The following RBBP8 variants were observed in gnomAD, a reference collection of about 807,000 sequenced individuals.
RBBP8 encodes DNA endonuclease RBBP8.
Under a neutral mutation model 108.3 loss-of-function variants are expected in RBBP8, and 88 were observed. The ratio of observed to expected loss-of-function variants is 0.81; its 90% CI spans 0.68 to 0.97. The LOEUF (loss-of-function observed/expected upper bound fraction) is 0.97. RBBP8 is among the 50% of genes least tolerant of loss of function. RBBP8 has a pLI of 0.00. For synonymous variants in RBBP8, 332 were observed against 348.2 expected, an observed-to-expected ratio of 0.95 and a Z score of 0.52; for missense variants, 1,023 against 1,049.0, an observed-to-expected ratio of 0.98 and a Z score of 0.34.
chr18:22,950,658 C>T (rs1356755300), intron 4 of RBBP8, among the ~76,000 whole-genome samples: 2 of 151,860 alleles, frequency 1.3e-5, no homozygotes, highest in Non-Finnish European at 2.9e-5. Context: ...TGGCTCATGC[C>T]TGTAACCTCA....
At chr18:22,994,130 C>G (rs998643213) in intron 12 of RBBP8, among the ~76,000 whole-genome samples, 2 of 144,832 alleles carry the variant, frequency 1.4e-5, no homozygotes, top group Admixed American at 1.4e-4. Flanking sequence ...ACACCATTCT[C>G]CTGCCTCAGC....
intron 2 of RBBP8, chr18:22,915,622 T>C (rs1291315478): frequency 3.8e-4 from 58 of 152,164 alleles, no homozygotes; most frequent in Admixed American, 3.6e-3. Context: ...TTTAATTGGC[T>C]GAATTTTTCT....
chr18:22,949,136 A>G (rs975885238), intron 3 of RBBP8, among the ~76,000 whole-genome samples: 4 of 152,162 alleles, frequency 2.6e-5, no homozygotes, highest in African/African-American at 4.8e-5. Flanking sequence ...TAATTGTATC[A>G]GGTCACACAG....
chr18:22,937,193 C>G, intron 2 of RBBP8: 1 of 679,758 alleles, frequency 1.5e-6, no homozygotes, highest in African/African-American at 1.8e-5. Context: ...CAATCCCCAC[C>G]CTCTTCCCAC....
intron 4 of RBBP8, among the ~76,000 whole-genome samples, chr18:22,965,059 A>C (rs1020645689): frequency 1.3e-5 from 2 of 152,114 alleles, no homozygotes; most frequent in African/African-American, 4.8e-5. Context: ...ATTTGACTTA[A>C]AGTCACAGTT....
intron 2 of RBBP8, among the ~76,000 whole-genome samples, chr18:22,939,819 A>C (rs1243689248): frequency 6.6e-6 from 1 of 152,152 alleles, no homozygotes; most frequent in Non-Finnish European, 1.5e-5. Flanking sequence ...GGAAGAACTG[A>C]GGGTGTGTGT....
In RBBP8 at chr18:22,989,202, G is replaced by A; in HGVS notation, c.710-19G>A. 1 of 1,538,722 alleles carries A rather than the reference G, an allele frequency of 6.5e-7. No individual in the cohort carries two copies. The highest frequency in any genetic ancestry group is 1.7e-5 in the Admixed American group (1 of 59,674). ...ATTGGTTTTATTATTTATTAAAATG[G>A]TTTATTATTTATTCTTAGAAGCACA... On this transcript the variant is annotated intron_variant, in intron 8 of 18. Coordinates refer to ENST00000327155, the MANE Select transcript of RBBP8 (RefSeq NM_002894.3).
At chr18:22,917,087 A>G (rs1476452431) in intron 3 of RBBP8, 1 of 152,190 alleles carries the variant, frequency 6.6e-6, no homozygotes, top group Non-Finnish European at 1.5e-5. Flanking sequence ...AGGAATTCCT[A>G]GGAAATGTGA....
At chr18:23,024,375 C>G (rs1042273993) in intron 18 of RBBP8, among the ~76,000 whole-genome samples, 1 of 152,016 alleles carries the variant, frequency 6.6e-6, no homozygotes, top group East Asian at 1.9e-4. Context: ...CAAAATCATC[C>G]TAAAACATGA....
chr18:22,946,409 T>C (rs769521730), intron 2 of RBBP8, 35 bp from the exon 3 acceptor site: 7 of 1,609,026 alleles, frequency 4.4e-6, no homozygotes, highest in Non-Finnish European at 4.2e-6. Context: ...AAAGGAACTG[T>C]TGTAGAAGTA....
At chr18:22,943,953 T>A (rs1269223730) in intron 2 of RBBP8, among the ~76,000 whole-genome samples, 1 of 152,144 alleles carries the variant, frequency 6.6e-6, no homozygotes, top group Non-Finnish European at 1.5e-5. Flanking sequence ...GTGTGTAAGG[T>A]TAATTGTAGC....
chr18:23,003,731 G>A (rs1174937843), intron 15 of RBBP8, among the ~76,000 whole-genome samples: 2 of 152,154 alleles, frequency 1.3e-5, no homozygotes, highest in Non-Finnish European at 2.9e-5. Flanking sequence ...CCTTAAAGAT[G>A]CATTGTAAAA....
intron 16 of RBBP8, among the ~76,000 whole-genome samples, chr18:23,016,132 A>G (rs1277554595): frequency 1.3e-5 from 2 of 151,440 alleles, no homozygotes; most frequent in African/African-American, 4.9e-5. Flanking sequence ...CTGGTCTCGA[A>G]CTCCTGACCT....
Position 22,946,495 on chromosome 18 carries a change from C to T in RBBP8, c.152+9C>T. 1 of 1,612,220 alleles carries T rather than the reference C, an allele frequency of 6.2e-7. No homozygotes were observed. Among genetic ancestry groups the T allele is most frequent in the Admixed American group, 1.7e-5 (1 of 59,972 alleles). ...AAACAGGAACGAATCTTGTAAGTAT[C>T]AGTATGTAATACTCATGTGTTATTT... is the stretch of plus-strand genomic sequence containing the variant. On this transcript the variant is annotated intron_variant, in intron 3 of 18. Coordinates refer to ENST00000327155, the MANE Select transcript of RBBP8 (RefSeq NM_002894.3).
chr18:22,922,514 G>C (rs768171932), intron 3 of RBBP8, among the ~76,000 whole-genome samples: 5 of 152,070 alleles, frequency 3.3e-5, no homozygotes, highest in Non-Finnish European at 7.4e-5. Context: ...CCAGGCTGGA[G>C]TGAGGTGGCA....
At position 22,982,314 on chromosome 18, in the gene RBBP8, G is replaced by A. The variant is rs1914987122; in HGVS notation, c.525G>A (p.Arg175=). ...ITAFSFSGVN[R]LRRKENPHVR... is the part of the protein sequence containing the mutation. ...CCTTCTCATTTTCTGGCGTTAACCG[G>A]CTACGAAGAAAGGAGAACCCCCATG... Residue 175 remains arginine (R), a synonymous_variant, in exon 7 of 19, where the codon CGG becomes CGA. Transcript: ENST00000327155. 6.2e-7 allele frequency: 1 copy of A among 1,614,130 alleles called. No homozygotes were observed. The highest frequency in any genetic ancestry group is 8.5e-7 in the Non-Finnish European group (1 of 1,180,014).
chr18:22,919,402 C>A (rs1311185825), intron 3 of RBBP8, among the ~76,000 whole-genome samples: 1 of 152,154 alleles, frequency 6.6e-6, no homozygotes, highest in African/African-American at 2.4e-5. Flanking sequence ...GATGTTTAAT[C>A]GCTTTACAAA....
intron 5 of RBBP8, 147 bp downstream of exon 5, chr18:22,969,065 G>T: frequency 4.7e-6 from 3 of 644,860 alleles, no homozygotes; most frequent in Admixed American, 5.7e-5. Flanking sequence ...TGTACTTTTT[G>T]TAGATTTAAT....
upstream of RBBP8, among the ~76,000 whole-genome samples, chr18:22,930,618 T>C (rs1175006940): frequency 6.6e-6 from 1 of 152,144 alleles, no homozygotes; most frequent in Non-Finnish European, 1.5e-5. Flanking sequence ...CATTTAAAAA[T>C]CTAAGAATTT....
Sources: allele counts gnomAD v4.1 joint callset (sites outside exome capture counted in the v4.1 genomes callset), GRCh38; gene constraint gnomAD v4.1.1; transcripts MANE v1.5; gene names NCBI Gene and HGNC (gene_info 2026-07-23, HGNC 2026-07-21).